The following CACNA2D3 variants were observed in gnomAD, a reference collection of about 807,000 sequenced individuals.
CACNA2D3 encodes the protein calcium voltage-gated channel auxiliary subunit alpha2delta 3, also known as voltage-dependent calcium channel subunit alpha-2/delta-3.
A neutral mutation model predicts 160.6 loss-of-function variants in CACNA2D3; 60 were observed. That is an observed-to-expected ratio of 0.37 (90% confidence interval 0.30 to 0.46). The LOEUF (loss-of-function observed/expected upper bound fraction) is 0.46, where lower values mean the gene tolerates loss of function less well. Among genes scored for constraint, CACNA2D3 ranks in the 20% least tolerant of loss-of-function variants. The pLI is 1.00. For missense variants in CACNA2D3, 1,205 were observed against 1,365.0 expected (o/e 0.88, Z 1.85); for synonymous variants, 558 against 492.9 (o/e 1.13, Z -1.75).
At position 54,170,333 on chromosome 3, in the gene CACNA2D3, G is replaced by A. The variant is rs76649256; in HGVS notation, c.204+46739G>A. Among the ~76,000 whole-genome samples the A allele has an allele frequency of 1.8e-3, 277 of 152,226 alleles. 3 individuals carry two copies. The East Asian group carries it at 0.021, about 11-fold the overall frequency. On this transcript the variant is annotated intron_variant, in intron 2 of 37. Transcript: ENST00000474759. The stretch of plus-strand genomic sequence containing the variant: ...GGGCTCTGTTGACCTTCAGAGAGAG[G>A]CTTCCACATCAGACCCAATAGGAGC...
At chr3:54,963,232 A>C (rs1702071709) in intron 27 of CACNA2D3, among the ~76,000 whole-genome samples, 1 of 151,908 alleles carries the variant, frequency 6.6e-6, no homozygotes, top group African/African-American at 2.4e-5. Context: ...TCTGATCTAA[A>C]CCCCCTATAC....
At chr3:54,980,369 A>G (rs554358652) in intron 29 of CACNA2D3, among the ~76,000 whole-genome samples, 14 of 152,218 alleles carry the variant, frequency 9.2e-5, no homozygotes, top group Non-Finnish European at 1.8e-4. Flanking sequence ...CAATGTCCAC[A>G]CACAGAATTT....
chr3:54,306,241 A>T (rs983943481), intron 2 of CACNA2D3, among the ~76,000 whole-genome samples: 1 of 152,168 alleles, frequency 6.6e-6, no homozygotes, highest in Non-Finnish European at 1.5e-5. Flanking sequence ...GAAGATGTGG[A>T]TGAATTGATC....
chr3:54,779,359 G>A (rs1431310284), intron 13 of CACNA2D3, among the ~76,000 whole-genome samples: 1 of 152,112 alleles, frequency 6.6e-6, no homozygotes, highest in Non-Finnish European at 1.5e-5. Context: ...TTGGCCTCCC[G>A]AAGTGCTGAG....
intron 2 of CACNA2D3, among the ~76,000 whole-genome samples, chr3:54,310,122 C>T (rs186705697): frequency 6.6e-6 from 1 of 152,108 alleles, no homozygotes; most frequent in Non-Finnish European, 1.5e-5. Flanking sequence ...CTTGGAGACA[C>T]TAGATTGGAA....
At chr3:54,293,451 T>C (rs1180222154) in intron 2 of CACNA2D3, among the ~76,000 whole-genome samples, 2 of 152,126 alleles carry the variant, frequency 1.3e-5, no homozygotes, top group Non-Finnish European at 1.5e-5. Flanking sequence ...AACATAATGA[T>C]GTTTGGTTTT....
intron 9 of CACNA2D3, among the ~76,000 whole-genome samples, chr3:54,615,626 T>A (rs1698833684): frequency 6.6e-6 from 1 of 152,244 alleles, no homozygotes; most frequent in African/African-American, 2.4e-5. Context: ...GGTTTGTTTT[T>A]AAAATGTTTA....
chr3:55,009,723 G>A (rs1269164622), intron 34 of CACNA2D3, among the ~76,000 whole-genome samples: 1 of 152,178 alleles, frequency 6.6e-6, no homozygotes, highest in Admixed American at 6.5e-5. Flanking sequence ...AAATTCTTCA[G>A]AAAGCTCATG....
intron 14 of CACNA2D3, among the ~76,000 whole-genome samples, chr3:54,825,561 T>G (rs1438787135): frequency 1.3e-5 from 2 of 152,190 alleles, no homozygotes; most frequent in Non-Finnish European, 2.9e-5. Flanking sequence ...ACTGGATGTT[T>G]CCTGAAATCA....
chr3:54,788,300 G>A (rs1702679862), intron 13 of CACNA2D3, among the ~76,000 whole-genome samples: 1 of 152,082 alleles, frequency 6.6e-6, no homozygotes, highest in Admixed American at 6.6e-5. Context: ...GAACATGTTT[G>A]GCTGATTTTC....
At chr3:54,916,472 T>C (rs766182487) in intron 27 of CACNA2D3, among the ~76,000 whole-genome samples, 2 of 152,148 alleles carry the variant, frequency 1.3e-5, no homozygotes, top group East Asian at 1.9e-4. Flanking sequence ...CTTTCTTTGA[T>C]CTACAATTTA....
intron 2 of CACNA2D3, among the ~76,000 whole-genome samples, chr3:54,170,585 A>G (rs991388445): frequency 6.6e-6 from 1 of 151,970 alleles, no homozygotes; most frequent in African/African-American, 2.4e-5. Flanking sequence ...TTGTCCTAGG[A>G]GGGCCAAGAA....
chr3:54,589,542 G>A (rs534422788), intron 9 of CACNA2D3, among the ~76,000 whole-genome samples: 1 of 149,786 alleles, frequency 6.7e-6, no homozygotes, highest in East Asian at 1.9e-4. Context: ...TGTTAAAATG[G>A]ATCTCATTAA....
chr3:55,002,484 A>G (rs1230633723), intron 31 of CACNA2D3, among the ~76,000 whole-genome samples: 1 of 152,196 alleles, frequency 6.6e-6, no homozygotes, highest in African/African-American at 2.4e-5. Context: ...TCTGCAGTTG[A>G]TTCTGTGACA....
chr3:54,405,837 T>G (rs1699565159), intron 4 of CACNA2D3, among the ~76,000 whole-genome samples: 1 of 119,312 alleles, frequency 8.4e-6, no homozygotes, highest in African/African-American at 3.1e-5. Flanking sequence ...TATAAAGAAC[T>G]CATACAACTC....
chr3:54,556,344 G>A (rs1250403017), intron 5 of CACNA2D3, among the ~76,000 whole-genome samples: 3 of 152,126 alleles, frequency 2.0e-5, no homozygotes, highest in Non-Finnish European at 2.9e-5. Flanking sequence ...AAGGCCATTT[G>A]AAGATGGAGG....
chr3:54,374,145 A>G (rs958945737), intron 3 of CACNA2D3, among the ~76,000 whole-genome samples: 1 of 152,198 alleles, frequency 6.6e-6, no homozygotes, highest in African/African-American at 2.4e-5. Context: ...AAACTGAGGG[A>G]GTGAGGGTCA....
At chr3:54,791,891 C>T (rs1416173824) in intron 13 of CACNA2D3, among the ~76,000 whole-genome samples, 1 of 152,144 alleles carries the variant, frequency 6.6e-6, no homozygotes, top group East Asian at 1.9e-4. Flanking sequence ...TAGGACTTTT[C>T]ACATGAGCCC....
chr3:54,436,364 G>A (rs1177154854), intron 4 of CACNA2D3, among the ~76,000 whole-genome samples: 4 of 152,224 alleles, frequency 2.6e-5, no homozygotes, highest in Non-Finnish European at 5.9e-5. Flanking sequence ...GTGGAAGACA[G>A]TGTGGTTATT....
Sources: allele counts gnomAD v4.1 joint callset (sites outside exome capture counted in the v4.1 genomes callset), GRCh38; gene constraint gnomAD v4.1.1; transcripts MANE v1.5; gene names NCBI Gene and HGNC (gene_info 2026-07-23, HGNC 2026-07-21).